The following NBPF12 variants were observed in gnomAD, a reference collection of about 807,000 sequenced individuals.
The protein encoded by NBPF12 is NBPF family member NBPF12.
Under a neutral mutation model 146.4 loss-of-function variants are expected in NBPF12, and 115 were observed. The ratio of observed to expected loss-of-function variants is 0.79; its 90% CI spans 0.68 to 0.92. The LOEUF is 0.92. Among genes scored for constraint, NBPF12 ranks in the 40% least tolerant of loss-of-function variants. The pLI is 0.00. For synonymous variants in NBPF12, 385 were observed against 508.9 expected, an observed-to-expected ratio of 0.76 and a Z score of 3.28; for missense variants, 1,205 against 1,326.8, an observed-to-expected ratio of 0.91 and a Z score of 1.43.
At position 146,971,174 on chromosome 1, in the gene NBPF12, G is replaced by A; in HGVS notation, c.1380-9G>A. On this transcript the variant is annotated splice_polypyrimidine_tract_variant and intron_variant, in intron 12 of 33. Transcript: ENST00000617844. Reference sequence around the variant, plus strand: ...TCTTCTGTCATCTCTGTCCCACCTGGCTCATCAGGGAGATGCAGAAGGCTG... The same window carrying A: ...TCTTCTGTCATCTCTGTCCCACCTGACTCATCAGGGAGATGCAGAAGGCTG... 6.2e-7 allele frequency: 1 copy of A among 1,611,010 alleles called. No homozygotes were observed.
intron 5 of NBPF12, 45 bp downstream of exon 8, chr1:146,962,308 T>A: frequency 6.7e-7 from 1 of 1,499,368 alleles, no homozygotes; most frequent in Non-Finnish European, 9.2e-7. Context: ...GGTGTGTAGA[T>A]CTCTGAAGTA....
chr1:146,957,742 G>A (rs1397373289), intron 2 of NBPF12: 1 of 133,598 alleles, frequency 7.5e-6, no homozygotes, highest in Non-Finnish European at 1.6e-5. Context: ...GCAGGTGGGG[G>A]AGGCGGAGAG....
intron 19 of NBPF12, among the ~76,000 whole-genome samples, chr1:146,980,737 C>G (rs1182563863): frequency 6.7e-6 from 1 of 148,894 alleles, no homozygotes; most frequent in African/African-American, 2.5e-5. Context: ...CCTCAGGGAT[C>G]TAGAACTAGA....
At chr1:146,960,896 T>C (rs1226348394) in intron 4 of NBPF12, among the ~76,000 whole-genome samples, 11 of 152,054 alleles carry the variant, frequency 7.2e-5, no homozygotes, top group Admixed American at 6.5e-4. Context: ...TCCTGTAATC[T>C]CAGCACTTTG....
At chr1:146,948,616 A>G (rs1655178928), upstream of NBPF12, among the ~76,000 whole-genome samples, 5 of 152,202 alleles carry the variant, frequency 3.3e-5, no homozygotes, top group Non-Finnish European at 4.4e-5. Context: ...GGAAGACTGC[A>G]GGGACCTCTG....
chr1:146,994,420 G>C (rs782688263), exon 34 of NBPF12: 1 of 1,612,180 alleles, frequency 6.2e-7, no homozygotes, highest in East Asian at 2.2e-5. Context: ...AATGTACTTT[G>C]AACTACCTGA....
intron 19 of NBPF12, among the ~76,000 whole-genome samples, chr1:146,980,544 T>G (rs1657307278): frequency 6.6e-6 from 1 of 151,810 alleles, no homozygotes; most frequent in Admixed American, 6.6e-5. Context: ...TGCTTCTCTG[T>G]AAAGGATTTA....
chr1:146,966,407 G>A, intron 8 of NBPF12, 57 bp from the exon 12 acceptor site: 1 of 1,316,402 alleles, frequency 7.6e-7, no homozygotes, highest in East Asian at 2.3e-5. Flanking sequence ...TCCTGATTAA[G>A]CCTACTTGAT....
intron 2 of NBPF12, among the ~76,000 whole-genome samples, chr1:146,959,345 G>A (rs1468938036): frequency 2.2e-5 from 1 of 46,028 alleles, no homozygotes; most frequent in Non-Finnish European, 3.5e-5. Flanking sequence ...AAAATTAGCC[G>A]GGCGTGGTGG....
chr1:146,981,538 T>C (rs1374405165), intron 19 of NBPF12, among the ~76,000 whole-genome samples: 3 of 151,296 alleles, frequency 2.0e-5, no homozygotes, highest in Non-Finnish European at 4.4e-5. Context: ...TGTCCCGGGG[T>C]TGCTCTTCTC....
intron 13 of NBPF12, among the ~76,000 whole-genome samples, chr1:146,972,544 T>A (rs1199961873): frequency 8.1e-4 from 120 of 147,354 alleles, no homozygotes; most frequent in South Asian, 2.2e-3. Flanking sequence ...AGTGTAGAAG[T>A]GTTTATGTCC....
At chr1:146,970,757 A>G (rs1434039920) in intron 12 of NBPF12, 38 bp downstream of exon 15, 4 of 1,291,010 alleles carry the variant, frequency 3.1e-6, no homozygotes, top group East Asian at 4.6e-5. Context: ...ATGGGTGTTA[A>G]CATATGAAAA....
chr1:146,957,557 TGAG>T lies in NBPF12; in HGVS notation c.-183-2299_-183-2297del, dbSNP rs1321544363. 31 of 153,094 alleles carry T rather than the reference TGAG, an allele frequency of 2.0e-4. 6 individuals are homozygous for T. The highest frequency in any genetic ancestry group is 3.7e-4 in the Non-Finnish European group (26 of 70,304). The allele number at this position is 153,094 out of a possible 1,614,324, so 9.5% of individuals were successfully genotyped here. A position where few individuals can be genotyped will look rare whatever the true frequency, so the allele number is the denominator to read the frequency against. On this transcript the variant is annotated intron_variant, in intron 2 of 33. Transcript: ENST00000617844. ...GCACCAACCTCAGCTGGCGTGATGT[TGAG>T]GAAGGTTTTCCCTGGGACGGTGGCA...
chr1:146,982,479 A>T (rs1387241344), intron 19 of NBPF12, among the ~76,000 whole-genome samples: 1 of 151,502 alleles, frequency 6.6e-6, no homozygotes, highest in African/African-American at 2.4e-5. Flanking sequence ...TTGCAAGAAA[A>T]GAAATTGAAA....
At position 146,974,917 on chromosome 1, in the gene NBPF12, G is replaced by T. The variant is rs1553887148; in HGVS notation, c.1904+76G>T. On this transcript the variant is annotated intron_variant, in intron 15 of 33. Coordinates refer to ENST00000617844, the Ensembl canonical transcript of NBPF12. The stretch of plus-strand genomic sequence containing the variant: ...AAGTACAGTAGCTCAGTGGGGAGAC[G>T]TAAGAGCTAAGCTGGGCCAGGGGAA... The T allele has an allele frequency of 1.6e-3, 1,278 of 785,780 alleles. 163 individuals are homozygous for T. The Admixed American group carries it at 0.025, about 15-fold the overall frequency. The allele number at this position is 785,780 out of a possible 1,614,324, so 48.7% of individuals were successfully genotyped here.
chr1:146,973,642 G>A (rs1230620861), intron 14 of NBPF12, among the ~76,000 whole-genome samples: 4 of 149,380 alleles, frequency 2.7e-5, no homozygotes, highest in East Asian at 3.9e-4. Flanking sequence ...ACAAAAAGTA[G>A]ATGGGCATGG....
At chr1:146,978,260 A>ATTTTTTTTT (rs1187524068) in intron 18 of NBPF12, among the ~76,000 whole-genome samples, 7 of 83,884 alleles carry the variant, frequency 8.3e-5, no homozygotes, top group African/African-American at 2.4e-4. Flanking sequence ...AGCGTCGTAG[A>ATTTTTTTTT]TTTTTTTTTT....
chr1:146,964,240 A>G (rs1390872783), intron 6 of NBPF12, 117 bp from the exon 10 acceptor site: 7 of 1,478,222 alleles, frequency 4.7e-6, no homozygotes, highest in Admixed American at 3.5e-5. Context: ...AAAACATGAG[A>G]GTTTTCAGTA....
In NBPF12 at chr1:146,940,568, A is replaced by G. The variant is rs1276228542; in HGVS notation, c.-822+1586A>G. The stretch of plus-strand genomic sequence containing the variant: ...GCAACCCTGCCTCAAAAAAAAAAAA[A>G]AAAGTACAGGTCATGAGTTTTTACT... On this transcript the variant is annotated intron_variant, in intron 1 of 35. Coordinates refer to the NBPF12 transcript ENST00000617931. 2.8e-3 allele frequency among the ~76,000 whole-genome samples: 429 copies of G among 152,106 alleles called. 3 individuals carry two copies. The highest frequency in any genetic ancestry group is 2.0e-3 in the Non-Finnish European group (135 of 67,996).
Sources: allele counts gnomAD v4.1 joint callset (sites outside exome capture counted in the v4.1 genomes callset), GRCh38; gene constraint gnomAD v4.1.1; transcripts MANE v1.5; gene names NCBI Gene and HGNC (gene_info 2026-07-23, HGNC 2026-07-21).